The following PCCB variants were observed in gnomAD, a reference collection of about 807,000 sequenced individuals.
PCCB encodes the protein propionyl-CoA carboxylase beta chain, mitochondrial.
In PCCB, 43 loss-of-function variants were observed where a neutral mutation model predicts 60.7. That is an observed-to-expected ratio of 0.71 (90% confidence interval 0.55 to 0.91). PCCB has a LOEUF of 0.91. Ranked by LOEUF, PCCB falls within the 40% of genes least tolerant of loss-of-function variation. The pLI, the probability that PCCB is intolerant of heterozygous loss-of-function variation, is 0.00. For synonymous variants in PCCB, 276 were observed against 255.9 expected, an observed-to-expected ratio of 1.08 and a Z score of -0.75; for missense variants, 766 against 702.8, an observed-to-expected ratio of 1.09 and a Z score of -1.02.
intron 6 of PCCB, among the ~76,000 whole-genome samples, chr3:136,290,810 C>T (rs1933652656): frequency 6.6e-6 from 1 of 151,150 alleles, no homozygotes; most frequent in South Asian, 2.1e-4. Flanking sequence ...CTTTCTGCTC[C>T]TTCTGGAATT....
At chr3:136,256,763 G>A (rs1408035084) in intron 3 of PCCB, 140 bp downstream of exon 3, 5 of 715,204 alleles carry the variant, frequency 7.0e-6, no homozygotes, top group South Asian at 3.0e-5. Flanking sequence ...TTTTCAGTGC[G>A]TGTTTCCAGA....
In PCCB at chr3:136,287,421, G is replaced by A. The variant is rs1933469081; in HGVS notation, c.654+3474G>A. Among the ~76,000 whole-genome samples, 3 of 151,322 alleles carry A rather than the reference G, an allele frequency of 2.0e-5. No individual in the cohort carries two copies. In the South Asian group the frequency reaches 6.2e-4, roughly 31 times the overall value. ...TGTGTGTGTGTGTTTTTTCTTTTGTGTGTGTTTGGTGTTTTTTGTTTTTTT... is the reference window on the plus strand; with the variant it reads ...TGTGTGTGTGTGTTTTTTCTTTTGTATGTGTTTGGTGTTTTTTGTTTTTTT... On this transcript the variant is annotated intron_variant, in intron 6 of 14. Transcript: ENST00000251654.
chr3:136,276,516 G>C (rs879435384), intron 5 of PCCB, among the ~76,000 whole-genome samples: 2 of 151,858 alleles, frequency 1.3e-5, no homozygotes, highest in African/African-American at 2.4e-5. Flanking sequence ...TAGGACTGTT[G>C]TTGTTCCACA....
chr3:136,263,121 A>AT lies in PCCB; in HGVS notation c.543+1061dup, dbSNP rs1303525981. The stretch of plus-strand genomic sequence containing the variant: ...AGGCGTCTGCCACCACGCCCAGCTA[A>AT]TTTTTGTATTTTTAGTAGAGACGGG... On this transcript the variant is annotated intron_variant, in intron 5 of 14. Transcript: ENST00000251654. Among the ~76,000 whole-genome samples, 3 of 150,898 alleles carry AT rather than the reference A, an allele frequency of 2.0e-5. No individual in the cohort carries two copies. In the East Asian group the frequency reaches 5.9e-4, roughly 29 times the overall value.
chr3:136,316,940 GGTT>G lies in PCCB; in HGVS notation c.971_973del (p.Val324del), dbSNP rs1353971489. 1.2e-6 allele frequency: 2 copies of G among 1,613,900 alleles called. No homozygotes were observed. On this transcript the variant is annotated inframe_deletion and splice_region_variant, in exon 10 of 15. Coordinates refer to ENST00000251654, the MANE Select transcript of PCCB (RefSeq NM_000532.5). ...GCTCAGAAGTAAATTTATTCCTGCAGGTTGTTGATGAGCGTGAATTTTTTGAGA... is the reference window on the plus strand; with the variant it reads ...GCTCAGAAGTAAATTTATTCCTGCAGGTTGATGAGCGTGAATTTTTTGAGA...
At chr3:136,262,954 GTTTT>G (rs570598390) in intron 5 of PCCB, among the ~76,000 whole-genome samples, 6 of 122,870 alleles carry the variant, frequency 4.9e-5, no homozygotes, top group African/African-American at 1.2e-4. Context: ...TCTGGAGGAG[GTTTT>G]TTTTTTTTTT....
At chr3:136,313,437 T>C (rs986278893) in intron 9 of PCCB, among the ~76,000 whole-genome samples, 2 of 152,186 alleles carry the variant, frequency 1.3e-5, no homozygotes, top group Non-Finnish European at 2.9e-5. Flanking sequence ...TAGGAAGTGA[T>C]TCCCAGGACA....
intron 5 of PCCB, among the ~76,000 whole-genome samples, chr3:136,278,150 G>C (rs1185288769): frequency 6.6e-6 from 1 of 152,178 alleles, no homozygotes; most frequent in Non-Finnish European, 1.5e-5. Flanking sequence ...TCCCGCCACT[G>C]TTTCTACTTT....
At chr3:136,321,384 C>T (rs1410745162) in intron 10 of PCCB, among the ~76,000 whole-genome samples, 1 of 152,200 alleles carries the variant, frequency 6.6e-6, no homozygotes, top group Non-Finnish European at 1.5e-5. Flanking sequence ...AAAGACACCA[C>T]CCAAGCCTGG....
intron 5 of PCCB, among the ~76,000 whole-genome samples, chr3:136,270,190 C>T (rs562581594): frequency 1.3e-5 from 2 of 152,170 alleles, no homozygotes; most frequent in Admixed American, 6.5e-5. Context: ...GAATGTTAAA[C>T]CAACCTTGTA....
At position 136,290,888 on chromosome 3, in the gene PCCB, G is replaced by GT. The variant is rs943334356; in HGVS notation, c.655-2860dup. ...TTTTTAGATACTCCAGTTTTGTTTT[G>GT]TTTTTTTTGATCCATTTTTTTCTCT... On this transcript the variant is annotated intron_variant, in intron 6 of 14. Transcript: ENST00000251654. 3.4e-4 allele frequency among the ~76,000 whole-genome samples: 51 copies of GT among 150,232 alleles called. 1 individual carries two copies. The South Asian group carries it at 4.2e-3, about 12-fold the overall frequency.
Position 136,327,717 on chromosome 3 carries a change from A to C in PCCB, c.1383A>C (p.Ala461=), listed in dbSNP as rs1354285306. The C allele has an allele frequency of 1.6e-5, 26 of 1,613,522 alleles. No homozygotes were observed. Among genetic ancestry groups the C allele is most frequent in the Non-Finnish European group, 2.1e-5 (25 of 1,179,690 alleles). Residue 461 remains alanine, a synonymous_variant, in exon 13 of 15, where the codon GCA becomes GCC. Coordinates refer to ENST00000251654, the MANE Select transcript of PCCB (RefSeq NM_000532.5). ...TNYAWPTAEI[A]VMGAKGAVEI... Reference sequence around the variant, plus strand: ...ATGCCTGGCCCACCGCAGAGATTGCAGTCATGGGAGCAAAGGTGAGGGCCT... The same window carrying C: ...ATGCCTGGCCCACCGCAGAGATTGCCGTCATGGGAGCAAAGGTGAGGGCCT...
At chr3:136,309,324 AC>A (rs1934570887) in intron 9 of PCCB, among the ~76,000 whole-genome samples, 2 of 152,066 alleles carry the variant, frequency 1.3e-5, no homozygotes, top group African/African-American at 4.8e-5. Context: ...AGGGGAAAAA[AC>A]CCTGTAAAAT....
At chr3:136,308,479 G>A (rs1019950505) in intron 9 of PCCB, among the ~76,000 whole-genome samples, 29 of 152,208 alleles carry the variant, frequency 1.9e-4, no homozygotes, top group African/African-American at 6.8e-4. Flanking sequence ...AGATTCAACA[G>A]ACTTAGGTAG....
At position 136,260,667 on chromosome 3, in the gene PCCB, C is replaced by T. The variant is rs949570683; in HGVS notation, c.429+132C>T. The stretch of plus-strand genomic sequence containing the variant: ...AGAGGTATGCAAGATGTGCTACCAA[C>T]CCGAAGGGGTGCATAACAATTTTCG... On this transcript the variant is annotated intron_variant, in intron 4 of 14. Transcript: ENST00000251654. The T allele has an allele frequency of 1.1e-5, 8 of 760,966 alleles. No homozygotes were observed. The African/African-American group carries it at 1.2e-4, about 11-fold the overall frequency. The allele number at this position is 760,966 out of a possible 1,614,324, so 47.1% of individuals were successfully genotyped here. A position where few individuals can be genotyped will look rare whatever the true frequency, so the allele number is the denominator to read the frequency against.
intron 8 of PCCB, among the ~76,000 whole-genome samples, chr3:136,299,312 A>G (rs1050142691): frequency 3.9e-5 from 6 of 152,072 alleles, no homozygotes; most frequent in African/African-American, 1.4e-4. Flanking sequence ...ATATGTATAC[A>G]TACATGTATA....
chr3:136,258,337 G>T (rs973547517), intron 3 of PCCB, among the ~76,000 whole-genome samples: 1 of 152,148 alleles, frequency 6.6e-6, no homozygotes, highest in African/African-American at 2.4e-5. Flanking sequence ...GCACAGAACG[G>T]ATGTAACTAC....
At chr3:136,271,881 G>C (rs1942212208) in intron 5 of PCCB, among the ~76,000 whole-genome samples, 1 of 152,072 alleles carries the variant, frequency 6.6e-6, no homozygotes, top group Non-Finnish European at 1.5e-5. Flanking sequence ...GCTCTGGATA[G>C]GACTTCCAGT....
At chr3:136,252,392 A>G (rs1185305031) in intron 1 of PCCB, 3 of 444,842 alleles carry the variant, frequency 6.7e-6, no homozygotes, top group Admixed American at 2.5e-5. Flanking sequence ...GGTTACAGGT[A>G]TGTGTCACCA....
Sources: allele counts gnomAD v4.1 joint callset (sites outside exome capture counted in the v4.1 genomes callset), GRCh38; gene constraint gnomAD v4.1.1; transcripts MANE v1.5; gene names NCBI Gene and HGNC (gene_info 2026-07-23, HGNC 2026-07-21).